The following PTPRR variants were observed in gnomAD, a reference collection of about 807,000 sequenced individuals.
PTPRR encodes protein tyrosine phosphatase receptor type R.
PTPRR carries 38 observed loss-of-function variants against 77.2 expected under a neutral mutation model. The ratio of observed to expected loss-of-function variants is 0.49; its 90% CI spans 0.38 to 0.65. The LOEUF (loss-of-function observed/expected upper bound fraction) is 0.65. Among genes scored for constraint, PTPRR ranks in the 30% least tolerant of loss-of-function variants. The probability of loss-of-function intolerance (pLI) is 0.00; values close to 1 mark genes in which losing one functional copy is unlikely to be tolerated. For synonymous variants in PTPRR, 299 were observed against 283.1 expected (o/e 1.06, Z -0.57); for missense variants, 744 against 799.2 (o/e 0.93, Z 0.83).
chr12:70,738,338 C>A (rs116567314), intron 6 of PTPRR, among the ~76,000 whole-genome samples: 1 of 152,126 alleles, frequency 6.6e-6, no homozygotes, highest in Non-Finnish European at 1.5e-5. Flanking sequence ...CTGAGACCTC[C>A]GTTTTGATAG....
chr12:70,912,068 T>G (rs1263797010), intron 1 of PTPRR, among the ~76,000 whole-genome samples: 1 of 152,196 alleles, frequency 6.6e-6, no homozygotes, highest in East Asian at 1.9e-4. Context: ...AGGGAGAATT[T>G]TAAAAATACC....
intron 2 of PTPRR, among the ~76,000 whole-genome samples, chr12:70,858,710 C>T (rs1892695483): frequency 2.0e-5 from 3 of 151,990 alleles, no homozygotes; most frequent in Admixed American, 2.0e-4. Flanking sequence ...CCTTTCATCC[C>T]ATCCACCTAG....
chr12:70,837,775 C>T (rs572808161), intron 2 of PTPRR, among the ~76,000 whole-genome samples: 2 of 152,104 alleles, frequency 1.3e-5, no homozygotes, highest in South Asian at 4.2e-4. Flanking sequence ...ATCAACATAA[C>T]CTTCAGATCC....
At chr12:70,877,220 C>T (rs1019371354) in intron 2 of PTPRR, among the ~76,000 whole-genome samples, 2 of 152,024 alleles carry the variant, frequency 1.3e-5, no homozygotes, top group Admixed American at 1.3e-4. Flanking sequence ...ATGCACAGCT[C>T]CAGGGAATGC....
intron 10 of PTPRR, chr12:70,672,624 C>A: frequency 4.0e-6 from 6 of 1,507,918 alleles, no homozygotes; most frequent in Non-Finnish European, 5.5e-6. Flanking sequence ...TAAAGACCTG[C>A]TGCCAAGTGA....
At chr12:70,785,181 A>G (rs1187084224) in intron 2 of PTPRR, among the ~76,000 whole-genome samples, 2 of 152,204 alleles carry the variant, frequency 1.3e-5, no homozygotes, top group East Asian at 3.8e-4. Context: ...CTTTAAGGAC[A>G]TCTAATTAAA....
chr12:70,731,231 A>G (rs1438570614), intron 6 of PTPRR, among the ~76,000 whole-genome samples: 1 of 152,196 alleles, frequency 6.6e-6, no homozygotes, highest in Admixed American at 6.5e-5. Context: ...ATTGGTCAAG[A>G]TTATAATGAT....
At chr12:70,736,613 C>G (rs1889870687) in intron 6 of PTPRR, among the ~76,000 whole-genome samples, 1 of 152,112 alleles carries the variant, frequency 6.6e-6, no homozygotes, top group African/African-American at 2.4e-5. Flanking sequence ...GATAAAAAGT[C>G]CCTTGGGTTG....
intron 1 of PTPRR, among the ~76,000 whole-genome samples, chr12:70,897,397 T>C (rs1453306463): frequency 1.3e-5 from 2 of 151,548 alleles, no homozygotes; most frequent in South Asian, 2.1e-4. Flanking sequence ...AAAAAACACA[T>C]GAAAAAATGC....
chr12:70,874,222 A>C (rs562716193), intron 2 of PTPRR, among the ~76,000 whole-genome samples: 1 of 152,292 alleles, frequency 6.6e-6, no homozygotes, highest in Admixed American at 6.5e-5. Context: ...ACTGATGTTT[A>C]AATATTTTGA....
intron 1 of PTPRR, among the ~76,000 whole-genome samples, chr12:70,914,085 G>A (rs912469911): frequency 6.6e-6 from 1 of 152,108 alleles, no homozygotes; most frequent in Non-Finnish European, 1.5e-5. Context: ...CTCAAAGTGG[G>A]CTATGCCTGA....
At chr12:70,814,985 G>C (rs1206209078) in intron 2 of PTPRR, among the ~76,000 whole-genome samples, 1 of 151,620 alleles carries the variant, frequency 6.6e-6, no homozygotes, top group East Asian at 1.9e-4. Context: ...ATAATGCAGA[G>C]AAAATAATAA....
chr12:70,809,765 C>T (rs1032510537), intron 2 of PTPRR, among the ~76,000 whole-genome samples: 1 of 152,124 alleles, frequency 6.6e-6, no homozygotes, highest in Non-Finnish European at 1.5e-5. Flanking sequence ...AATATGGTTT[C>T]ATCTATCAAT....
intron 10 of PTPRR, among the ~76,000 whole-genome samples, chr12:70,682,291 C>T (rs1199320990): frequency 1.3e-5 from 2 of 151,826 alleles, no homozygotes; most frequent in African/African-American, 2.4e-5. Flanking sequence ...GATCCGCCCG[C>T]CTCGGCCTCC....
intron 6 of PTPRR, among the ~76,000 whole-genome samples, chr12:70,715,496 C>T (rs753817913): frequency 2.0e-5 from 3 of 152,146 alleles, no homozygotes; most frequent in Non-Finnish European, 4.4e-5. Context: ...ATTTCTTCTT[C>T]CCAATAAGCC....
intron 2 of PTPRR, among the ~76,000 whole-genome samples, chr12:70,858,236 A>G (rs776292814): frequency 6.6e-6 from 1 of 152,050 alleles, no homozygotes; most frequent in Non-Finnish European, 1.5e-5. Flanking sequence ...TCATGGTCCA[A>G]TGACTCTTCC....
At chr12:70,915,518 T>G (rs953096462) in intron 1 of PTPRR, among the ~76,000 whole-genome samples, 6 of 152,220 alleles carry the variant, frequency 3.9e-5, no homozygotes, top group Non-Finnish European at 8.8e-5. Context: ...TGTTTGTAAA[T>G]CAGCTGATCC....
chr12:70,768,646 C>G (rs1228154443), intron 2 of PTPRR, among the ~76,000 whole-genome samples: 2 of 152,284 alleles, frequency 1.3e-5, no homozygotes, highest in East Asian at 3.9e-4. Context: ...GGAATCCTCC[C>G]TAACTCATTT....
rs149606916 is a variant in PTPRR, at chr12:70,720,334, T to C, written c.1008-19011A>G. 1.4e-4 allele frequency among the ~76,000 whole-genome samples: 21 copies of C among 152,142 alleles called. No individual in the cohort carries two copies. In the East Asian group the frequency reaches 3.9e-3, roughly 28 times the overall value. ...TATCATTAAATTTGAGATGATATAA[T>C]TTACCCACCTGAGGTGGATATGAGG... On this transcript the variant is annotated intron_variant, in intron 6 of 13. Transcript: ENST00000283228.
Sources: allele counts gnomAD v4.1 joint callset (sites outside exome capture counted in the v4.1 genomes callset), GRCh38; gene constraint gnomAD v4.1.1; transcripts MANE v1.5; gene names NCBI Gene and HGNC (gene_info 2026-07-23, HGNC 2026-07-21).